Variants in EFNA5 observed in about 807,000 individuals in gnomAD.
EFNA5 encodes ephrin A5.
EFNA5 carries 5 observed loss-of-function variants against 22.9 expected under a neutral mutation model. The ratio of observed to expected loss-of-function variants is 0.22; its 90% CI spans 0.11 to 0.46. The LOEUF is 0.46. EFNA5 is among the 20% of genes least tolerant of loss of function. The pLI is 0.99. For missense variants in EFNA5, 237 were observed against 293.3 expected (o/e 0.81, Z 1.40); for synonymous variants, 113 against 112.2 (o/e 1.01, Z -0.04).
intron 1 of EFNA5, among the ~76,000 whole-genome samples, chr5:107,490,782 T>C (rs25971): frequency 0.23 from 35,345 of 152,138 alleles, 4,343 homozygotes; most frequent in South Asian, 0.41. Context: ...TCCTCTTTAC[T>C]TACTGTGTCA....
intron 1 of EFNA5, among the ~76,000 whole-genome samples, chr5:107,601,690 T>C (rs1749598151): frequency 6.6e-6 from 1 of 152,244 alleles, no homozygotes. Context: ...GAACACTTAT[T>C]AGTTGCTAGA....
In EFNA5 at chr5:107,487,935, A is replaced by T. The variant is rs150888964; in HGVS notation, c.126-60426T>A. Among the ~76,000 whole-genome samples the T allele has an allele frequency of 1.5e-3, 222 of 152,346 alleles. 2 individuals carry two copies. The highest frequency in any genetic ancestry group is 4.7e-3 in the African/African-American group (194 of 41,570). ...CTAGCAGACTACTGTATTATATCCA[A>T]CATTACATGGGAAATGGACTTAAAG... On this transcript the variant is annotated intron_variant, in intron 1 of 4. Transcript: ENST00000333274.
At chr5:107,562,874 C>A (rs1748580415) in intron 1 of EFNA5, among the ~76,000 whole-genome samples, 1 of 152,152 alleles carries the variant, frequency 6.6e-6, no homozygotes, top group Admixed American at 6.5e-5. Flanking sequence ...TTTCTTGTGG[C>A]AATAATGGGA....
At chr5:107,658,432 G>T (rs888271961) in intron 1 of EFNA5, among the ~76,000 whole-genome samples, 2 of 152,112 alleles carry the variant, frequency 1.3e-5, no homozygotes, top group African/African-American at 4.8e-5. Context: ...CATTACCTTT[G>T]TTAGTGGTGT....
chr5:107,514,748 G>A (rs1747440958), intron 1 of EFNA5, among the ~76,000 whole-genome samples: 1 of 152,120 alleles, frequency 6.6e-6, no homozygotes, highest in South Asian at 2.1e-4. Flanking sequence ...AAAAGCCCAA[G>A]TCTCTACAAG....
intron 1 of EFNA5, among the ~76,000 whole-genome samples, chr5:107,662,002 T>A (rs1165393852): frequency 1.3e-5 from 2 of 151,980 alleles, no homozygotes; most frequent in Non-Finnish European, 2.9e-5. Context: ...TTTTTACATA[T>A]ATAAATAATT....
At position 107,595,685 on chromosome 5, in the gene EFNA5, C is replaced by G. The variant is rs187226073; in HGVS notation, c.125+74804G>C. ...TGCCGGGGGTAACACCCATTCCCCTCAGTGTCCACAAGGGATTAGAAGCCC... is the reference window on the plus strand; with the variant it reads ...TGCCGGGGGTAACACCCATTCCCCTGAGTGTCCACAAGGGATTAGAAGCCC... On this transcript the variant is annotated intron_variant, in intron 1 of 4. Coordinates refer to ENST00000333274, the MANE Select transcript of EFNA5 (RefSeq NM_001962.3). 2.2e-4 allele frequency among the ~76,000 whole-genome samples: 34 copies of G among 152,352 alleles called. No individual in the cohort carries two copies. In the East Asian group the frequency reaches 6.4e-3, roughly 29 times the overall value.
intron 1 of EFNA5, among the ~76,000 whole-genome samples, chr5:107,575,183 G>A (rs867735919): frequency 2.0e-5 from 3 of 152,216 alleles, no homozygotes; most frequent in African/African-American, 7.2e-5. Flanking sequence ...TCCAAGAGGT[G>A]AAAAGCAGCC....
At chr5:107,658,706 G>T (rs1186889261) in intron 1 of EFNA5, among the ~76,000 whole-genome samples, 1 of 152,098 alleles carries the variant, frequency 6.6e-6, no homozygotes, top group Non-Finnish European at 1.5e-5. Flanking sequence ...GCAAACCACG[G>T]TTCATGGGCC....
chr5:107,660,278 ATATATAT>A (rs1750920646), intron 1 of EFNA5, among the ~76,000 whole-genome samples: 2 of 42,940 alleles, frequency 4.7e-5, no homozygotes, highest in Admixed American at 2.4e-4. Context: ...ATATATATAT[ATATATAT>A]ATATATATAT....
chr5:107,559,274 G>A (rs1243846795), intron 1 of EFNA5, among the ~76,000 whole-genome samples: 1 of 152,172 alleles, frequency 6.6e-6, no homozygotes, highest in Non-Finnish European at 1.5e-5. Context: ...AACTTCTGCT[G>A]TCTGGGGCTT....
At chr5:107,411,896 T>C (rs1317231682) in intron 2 of EFNA5, among the ~76,000 whole-genome samples, 1 of 152,210 alleles carries the variant, frequency 6.6e-6, no homozygotes, top group Non-Finnish European at 1.5e-5. Context: ...TTAGCTGAAG[T>C]TGATAAATGT....
intron 1 of EFNA5, among the ~76,000 whole-genome samples, chr5:107,452,313 C>T (rs1383686474): frequency 1.3e-5 from 2 of 151,722 alleles, no homozygotes; most frequent in African/African-American, 4.8e-5. Flanking sequence ...GTACGTTCCG[C>T]ACAAGTATCC....
chr5:107,469,673 C>T (rs747821463), intron 1 of EFNA5, among the ~76,000 whole-genome samples: 12 of 151,052 alleles, frequency 7.9e-5, no homozygotes, highest in Non-Finnish European at 1.3e-4. Context: ...TTTTTTTTTA[C>T]CACGCACCCA....
chr5:107,670,383 A>T, intron 1 of EFNA5, 106 bp downstream of exon 1: 1 of 1,377,306 alleles, frequency 7.3e-7, no homozygotes, highest in South Asian at 1.5e-5. Flanking sequence ...GCAGGCTCCG[A>T]GGGTGCGCGC....
intron 1 of EFNA5, among the ~76,000 whole-genome samples, chr5:107,655,553 C>A (rs949819133): frequency 6.6e-6 from 1 of 152,036 alleles, no homozygotes; most frequent in Non-Finnish European, 1.5e-5. Flanking sequence ...CTGGGTACAG[C>A]GCATAAGGAT....
intron 1 of EFNA5, among the ~76,000 whole-genome samples, chr5:107,657,278 C>G (rs1422744661): frequency 1.3e-5 from 2 of 152,032 alleles, no homozygotes; most frequent in Non-Finnish European, 2.9e-5. Flanking sequence ...CATTCCTATT[C>G]CTAAATTTAA....
intron 1 of EFNA5, among the ~76,000 whole-genome samples, chr5:107,492,992 CA>C (rs34294325): frequency 0.14 from 14,138 of 99,222 alleles, 1,493 homozygotes; most frequent in African/African-American, 0.34. Flanking sequence ...GACTCCATCT[CA>C]AAAAAAAAAA....
intron 1 of EFNA5, among the ~76,000 whole-genome samples, chr5:107,485,187 T>C (rs1052738603): frequency 1.3e-5 from 2 of 152,186 alleles, no homozygotes; most frequent in Non-Finnish European, 2.9e-5. Context: ...CATCTCAACT[T>C]TTGTCTGCAC....
Sources: gnomAD v4.1 joint callset for allele counts (sites outside exome capture counted in the v4.1 genomes callset) on GRCh38, gnomAD v4.1.1 for gene constraint, MANE v1.5 for transcripts, NCBI Gene and HGNC (gene_info 2026-07-23, HGNC 2026-07-21) for gene names.